CSMD1: variants seen among roughly 807,000 people sequenced by gnomAD.
CSMD1 encodes CUB and sushi domain-containing protein 1.
CSMD1 carries 213 observed loss-of-function variants against 417.5 expected under a neutral mutation model. The ratio of observed to expected loss-of-function variants is 0.51; its 90% CI spans 0.46 to 0.57. The LOEUF is 0.57. Among genes scored for constraint, CSMD1 ranks in the 20% least tolerant of loss-of-function variants. CSMD1 has a pLI of 0.00. For synonymous variants in CSMD1, 2,862 were observed against 1,736.8 expected (o/e 1.65, Z -16.11); for missense variants, 6,923 against 4,529.7 (o/e 1.53, Z -15.17).
In CSMD1 at chr8:2,974,520, G is replaced by A. The variant is rs899480544; in HGVS notation, c.8671C>T (p.Leu2891Phe). 10 of 1,613,554 alleles carry A rather than the reference G, an allele frequency of 6.2e-6. No individual in the cohort carries two copies. Among genetic ancestry groups the A allele is most frequent in the South Asian group, 1.1e-5 (1 of 90,980 alleles). Reference sequence around the variant, plus strand: ...CACACTCTCGTGTCGTTGCCTATGAGGCTCTCGCTCCCTCTGCAGGAGTAG... The same window carrying A: ...CACACTCTCGTGTCGTTGCCTATGAAGCTCTCGCTCCCTCTGCAGGAGTAG... ...VHYSCRGSES[L>F]IGNDTRVCQE... Residue 2891 changes from leucine (L) to phenylalanine (F), a missense_variant, in exon 56 of 70, where the codon CTC becomes TTC. By Grantham distance (22) the Leu-to-Phe change is conservative. Coordinates refer to ENST00000635120, the MANE Select transcript of CSMD1 (RefSeq NM_033225.6).
chr8:4,280,562 C>A (rs1422907953), intron 3 of CSMD1, among the ~76,000 whole-genome samples: 1 of 152,144 alleles, frequency 6.6e-6, no homozygotes, highest in East Asian at 1.9e-4. Flanking sequence ...ACTGTTAGAA[C>A]TTGAGACTGC....
intron 10 of CSMD1, among the ~76,000 whole-genome samples, chr8:3,509,538 T>G (rs1252345029): frequency 6.6e-6 from 1 of 152,218 alleles, no homozygotes; most frequent in Non-Finnish European, 1.5e-5. Flanking sequence ...TCTACCAAGA[T>G]TGCCTCTAAA....
intron 3 of CSMD1, among the ~76,000 whole-genome samples, chr8:4,118,212 C>A (rs1050257521): frequency 1.3e-5 from 2 of 152,022 alleles, no homozygotes; most frequent in African/African-American, 2.4e-5. Context: ...ATATTAAAAA[C>A]TAAATTTTTA....
chr8:3,157,224 G>A (rs899517312), intron 39 of CSMD1, among the ~76,000 whole-genome samples: 1 of 151,986 alleles, frequency 6.6e-6, no homozygotes, highest in Admixed American at 6.6e-5. Context: ...GTGAAGCTGG[G>A]GGCCTGAATG....
At chr8:3,888,294 T>C (rs2688381) in intron 5 of CSMD1, among the ~76,000 whole-genome samples, 142,804 of 152,274 alleles carry the variant, frequency 0.94, 67,071 homozygotes, top group Middle Eastern at 0.98. Flanking sequence ...TAACATAAGC[T>C]TGACACTTTG....
intron 5 of CSMD1, among the ~76,000 whole-genome samples, chr8:3,820,433 A>G (rs1459854124): frequency 1.3e-5 from 2 of 152,238 alleles, no homozygotes; most frequent in Admixed American, 1.3e-4. Flanking sequence ...ACACAGGGTC[A>G]GGACAATCAA....
At position 3,769,810 on chromosome 8, in the gene CSMD1, G is replaced by A. The variant is rs1382732383; in HGVS notation, c.819-15768C>T. ...GTTTTATAGCACATCACCTTACGAT[G>A]CATGTGTGTTGAATCAGCACTTTTA... On this transcript the variant is annotated intron_variant, in intron 5 of 69. Transcript: ENST00000635120. Among the ~76,000 whole-genome samples, 7 of 152,276 alleles carry A rather than the reference G, an allele frequency of 4.6e-5. No individual in the cohort carries two copies. In the East Asian group the frequency reaches 9.7e-4, roughly 21 times the overall value.
At chr8:4,471,649 T>C (rs1800540148) in intron 2 of CSMD1, among the ~76,000 whole-genome samples, 1 of 152,112 alleles carries the variant, frequency 6.6e-6, no homozygotes, top group Non-Finnish European at 1.5e-5. Flanking sequence ...TGGAAAGAAC[T>C]GGGAATGCTC....
chr8:3,592,023 A>G (rs1415290349), intron 8 of CSMD1, among the ~76,000 whole-genome samples: 1 of 152,162 alleles, frequency 6.6e-6, no homozygotes, highest in African/African-American at 2.4e-5. Context: ...GTAGATAGAT[A>G]CATAAATAGA....
Position 3,284,258 on chromosome 8 carries a change from C to G in CSMD1, c.4039G>C (p.Glu1347Gln). 4 of 1,613,908 alleles carry G rather than the reference C, an allele frequency of 2.5e-6. No individual in the cohort carries two copies. Among genetic ancestry groups the G allele is most frequent in the Non-Finnish European group, 3.4e-6 (4 of 1,179,854 alleles). ...GPVDSDILLK[E>Q]WSGSALPEDI... Reference sequence around the variant, plus strand: ...TCCGGAAGGGCGGAGCCACTCCACTCCTTCAGCAGGATGTCACTGTCCACC... The same window carrying G: ...TCCGGAAGGGCGGAGCCACTCCACTGCTTCAGCAGGATGTCACTGTCCACC... Residue 1347 changes from glutamate (E) to glutamine (Q), a missense_variant, in exon 26 of 70, where the codon GAG (glutamate) becomes CAG (glutamine). Glu to Gln is a conservative substitution (Grantham distance 29). Coordinates refer to ENST00000635120, the MANE Select transcript of CSMD1 (RefSeq NM_033225.6).
At chr8:3,024,237 G>T (rs1425018388) in intron 51 of CSMD1, among the ~76,000 whole-genome samples, 1 of 143,666 alleles carries the variant, frequency 7.0e-6, no homozygotes, top group Admixed American at 7.4e-5. Context: ...ATGAATTAAT[G>T]TGTTTATTGA....
rs75143799 is a variant in CSMD1, at chr8:4,674,328, A to G, written c.86-36770T>C. ...CTGGATTGAGGCTGAAAAAAATGCT[A>G]AGGAAGGTAAACGCAAGTGGAAATA... On this transcript the variant is annotated intron_variant, in intron 1 of 69. Transcript: ENST00000635120. 6.9e-3 allele frequency among the ~76,000 whole-genome samples: 1,054 copies of G among 152,224 alleles called. 12 individuals carry two copies. The highest frequency in any genetic ancestry group is 0.024 in the African/African-American group (1,016 of 41,548).
intron 1 of CSMD1, among the ~76,000 whole-genome samples, chr8:4,958,273 G>C (rs570669982): frequency 2.5e-3 from 380 of 152,248 alleles, no homozygotes; most frequent in Non-Finnish European, 4.4e-3. Flanking sequence ...TTCAATGAAA[G>C]TGCACATATT....
intron 5 of CSMD1, among the ~76,000 whole-genome samples, chr8:3,918,435 T>C (rs902344402): frequency 2.6e-5 from 4 of 152,180 alleles, no homozygotes; most frequent in African/African-American, 9.6e-5. Context: ...TGCGTTTGTC[T>C]GATAATTAAT....
At chr8:4,144,852 G>T (rs975922878) in intron 3 of CSMD1, among the ~76,000 whole-genome samples, 2 of 150,894 alleles carry the variant, frequency 1.3e-5, no homozygotes, top group African/African-American at 5.0e-5. Context: ...GGGAACCAGG[G>T]GAATTGTGTC....
At chr8:3,688,362 A>G (rs191895425) in intron 7 of CSMD1, among the ~76,000 whole-genome samples, 50 of 152,292 alleles carry the variant, frequency 3.3e-4, no homozygotes, top group Non-Finnish European at 5.9e-4. Flanking sequence ...TCATCCAGTG[A>G]TATTTATAAA....
intron 3 of CSMD1, among the ~76,000 whole-genome samples, chr8:4,165,837 T>C (rs574746730): frequency 1.1e-4 from 16 of 152,376 alleles, no homozygotes; most frequent in African/African-American, 3.6e-4. Flanking sequence ...GCAAAACTAA[T>C]TGCGTTTTTT....
At chr8:3,761,396 A>G (rs55682773) in intron 5 of CSMD1, among the ~76,000 whole-genome samples, 10,992 of 152,196 alleles carry the variant, frequency 0.072, 1,404 homozygotes, top group African/African-American at 0.25. Context: ...TCTGGGGAAA[A>G]ACAACCAACT....
At chr8:4,653,275 T>C (rs1804024150) in intron 1 of CSMD1, among the ~76,000 whole-genome samples, 1 of 152,064 alleles carries the variant, frequency 6.6e-6, no homozygotes, top group Admixed American at 6.5e-5. Context: ...ATCCACAGAC[T>C]CCCAAGTAAC....
Sources: allele counts gnomAD v4.1 joint callset (sites outside exome capture counted in the v4.1 genomes callset), GRCh38; gene constraint gnomAD v4.1.1; transcripts MANE v1.5; gene names NCBI Gene and HGNC (gene_info 2026-07-23, HGNC 2026-07-21).